Variants in ROBO2 observed in about 807,000 individuals in gnomAD.
ROBO2 encodes the protein roundabout homolog 2.
A neutral mutation model predicts 160.8 loss-of-function variants in ROBO2; 53 were observed. That is an observed-to-expected ratio of 0.33 (90% CI 0.26 to 0.41). The LOEUF is 0.41. ROBO2 is among the 10% of genes least tolerant of loss of function. The pLI is 1.00. For missense variants in ROBO2, 1,577 were observed against 1,722.4 expected (o/e 0.92, Z 1.49); for synonymous variants, 664 against 611.7 (o/e 1.09, Z -1.26).
At chr3:76,488,709 G>A (rs1353883157) in intron 2 of ROBO2, among the ~76,000 whole-genome samples, 1 of 152,054 alleles carries the variant, frequency 6.6e-6, no homozygotes, top group African/African-American at 2.4e-5. Flanking sequence ...TCCATAGGGA[G>A]CAGATATCTT....
intron 2 of ROBO2, among the ~76,000 whole-genome samples, chr3:75,974,424 AAGAT>A (rs1201739483): frequency 6.6e-6 from 1 of 151,648 alleles, no homozygotes; most frequent in African/African-American, 2.4e-5. Flanking sequence ...CATATTTTGA[AAGAT>A]AGGTGCATTT....
chr3:76,403,232 G>C (rs2077943551), intron 2 of ROBO2, among the ~76,000 whole-genome samples: 1 of 151,588 alleles, frequency 6.6e-6, no homozygotes, highest in Non-Finnish European at 1.5e-5. Flanking sequence ...AGTATCTCAA[G>C]AGCAGATCAT....
chr3:76,315,446 C>G (rs1031220333), intron 2 of ROBO2, among the ~76,000 whole-genome samples: 2 of 152,112 alleles, frequency 1.3e-5, no homozygotes, highest in African/African-American at 4.8e-5. Flanking sequence ...TGAGCACATA[C>G]TACGGTATTG....
intron 2 of ROBO2, among the ~76,000 whole-genome samples, chr3:77,162,055 A>G (rs961963616): frequency 1.3e-4 from 20 of 152,164 alleles, no homozygotes; most frequent in South Asian, 2.1e-4. Flanking sequence ...CTTGAATTCA[A>G]TTTGTAAAAA....
At chr3:77,590,527 C>T (rs2094154702) in intron 17 of ROBO2, among the ~76,000 whole-genome samples, 1 of 152,138 alleles carries the variant, frequency 6.6e-6, no homozygotes, top group African/African-American at 2.4e-5. Flanking sequence ...CTCTGTGATA[C>T]ACTCGTATAA....
chr3:76,858,474 A>G (rs1318914434), intron 2 of ROBO2, among the ~76,000 whole-genome samples: 1 of 152,096 alleles, frequency 6.6e-6, no homozygotes, highest in Non-Finnish European at 1.5e-5. Context: ...CCTGTTGCCC[A>G]GTTGGTCTCA....
rs565743567 is a variant in ROBO2 at position 75,909,514 on chromosome 3, G to A, written c.-14+2554G>A. 3.3e-5 allele frequency among the ~76,000 whole-genome samples: 5 copies of A among 152,312 alleles called. 1 individual carries two copies. Among genetic ancestry groups the A allele is most frequent in the African/African-American group, 1.2e-4 (5 of 41,582 alleles). On this transcript the variant is annotated intron_variant, in intron 1 of 26. Coordinates refer to the ROBO2 transcript ENST00000487694. ...TTTGCATCTGATTACAGGATTCCCT[G>A]AACATTTATAGCTCAGGTATTCTGG...
chr3:76,135,814 C>A (rs2071408231), intron 2 of ROBO2, among the ~76,000 whole-genome samples: 1 of 152,004 alleles, frequency 6.6e-6, no homozygotes, highest in African/African-American at 2.4e-5. Flanking sequence ...ACAATTTTTT[C>A]TTTTGAACAA....
At chr3:76,255,798 C>G (rs189516649) in intron 2 of ROBO2, among the ~76,000 whole-genome samples, 120 of 151,848 alleles carry the variant, frequency 7.9e-4, no homozygotes, top group African/African-American at 2.8e-3. Context: ...AAAGCAACTT[C>G]CTGGAATAAT....
At chr3:77,276,425 TC>T (rs2059831599) in intron 2 of ROBO2, among the ~76,000 whole-genome samples, 1 of 152,270 alleles carries the variant, frequency 6.6e-6, no homozygotes, top group East Asian at 1.9e-4. Flanking sequence ...TTTGGCTCAC[TC>T]CCCTGAATCT....
Position 76,929,406 on chromosome 3 carries a change from A to G in ROBO2, c.110-168608A>G, listed in dbSNP as rs187907970. Among the ~76,000 whole-genome samples the G allele has an allele frequency of 1.6e-3, 238 of 152,310 alleles. 4 individuals are homozygous for G. In the East Asian group the frequency reaches 0.032, roughly 20 times the overall value. On this transcript the variant is annotated intron_variant, in intron 2 of 26. Coordinates refer to the ROBO2 transcript ENST00000487694. The stretch of plus-strand genomic sequence containing the variant: ...TTCTACTCCTCTTTCTCTTATGCCC[A>G]GTACCTGTTCTGTCCACAGATCCTG...
chr3:76,204,038 A>G (rs986227653), intron 2 of ROBO2, among the ~76,000 whole-genome samples: 6 of 152,204 alleles, frequency 3.9e-5, no homozygotes, highest in African/African-American at 1.4e-4. Flanking sequence ...ATTTGAGTAT[A>G]TATCATCTGT....
chr3:76,888,636 G>A (rs1287739294), intron 2 of ROBO2, among the ~76,000 whole-genome samples: 1 of 152,114 alleles, frequency 6.6e-6, no homozygotes, highest in Admixed American at 6.5e-5. Context: ...TGTTATCTAG[G>A]TTGTGTTTAC....
intron 2 of ROBO2, among the ~76,000 whole-genome samples, chr3:76,640,318 G>A (rs1292663372): frequency 6.6e-6 from 1 of 152,154 alleles, no homozygotes; most frequent in South Asian, 2.1e-4. Flanking sequence ...ATTGCCTGAG[G>A]TCAGGAGTTT....
chr3:76,844,481 G>A (rs886129321), intron 2 of ROBO2, among the ~76,000 whole-genome samples: 6 of 151,868 alleles, frequency 4.0e-5, no homozygotes, highest in Admixed American at 6.6e-5. Flanking sequence ...AGTGAAAACC[G>A]TGAATAGTAT....
intron 2 of ROBO2, among the ~76,000 whole-genome samples, chr3:77,350,488 A>C (rs1023891657): frequency 1.3e-5 from 2 of 152,168 alleles, no homozygotes; most frequent in African/African-American, 4.8e-5. Context: ...GTGTGAAACA[A>C]AATCAACCAC....
chr3:75,976,281 C>A (rs2065131921), intron 2 of ROBO2, among the ~76,000 whole-genome samples: 1 of 151,538 alleles, frequency 6.6e-6, no homozygotes, highest in Non-Finnish European at 1.5e-5. Context: ...TCAAAATAGC[C>A]ACACACTGGA....
At chr3:76,732,360 G>C (rs774138992) in intron 2 of ROBO2, among the ~76,000 whole-genome samples, 6 of 152,094 alleles carry the variant, frequency 3.9e-5, no homozygotes, top group Non-Finnish European at 8.8e-5. Flanking sequence ...CGAGAACTTG[G>C]GATTTTATCC....
intron 2 of ROBO2, among the ~76,000 whole-genome samples, chr3:76,096,608 ATAAT>A (rs1398837060): frequency 3.3e-5 from 5 of 152,198 alleles, no homozygotes; most frequent in Admixed American, 1.3e-4. Flanking sequence ...ATAGATTATG[ATAAT>A]TAATAATACA....
Sources: gnomAD v4.1 joint callset for allele counts (sites outside exome capture counted in the v4.1 genomes callset) on GRCh38, gnomAD v4.1.1 for gene constraint, MANE v1.5 for transcripts, NCBI Gene and HGNC (gene_info 2026-07-23, HGNC 2026-07-21) for gene names.